IQSEC1: variants seen among roughly 807,000 people sequenced by gnomAD.
The protein encoded by IQSEC1 is IQ motif and SEC7 domain-containing protein 1.
Under a neutral mutation model 91.0 loss-of-function variants are expected in IQSEC1, and 31 were observed. The ratio of observed to expected loss-of-function variants is 0.34; its 90% CI spans 0.26 to 0.46. The LOEUF is 0.46. Ranked by LOEUF, IQSEC1 falls within the 20% of genes least tolerant of loss-of-function variation. The pLI, the probability that IQSEC1 is intolerant of heterozygous loss-of-function variation, is 1.00. For synonymous variants in IQSEC1, 699 were observed against 662.6 expected (o/e 1.05, Z -0.84); for missense variants, 1,388 against 1,575.6 (o/e 0.88, Z 2.02).
At chr3:13,044,216 C>G (rs1271932245) in intron 1 of IQSEC1, among the ~76,000 whole-genome samples, 2 of 152,200 alleles carry the variant, frequency 1.3e-5, no homozygotes, top group Non-Finnish European at 2.9e-5. Context: ...TCTGGGTCAT[C>G]CCCCCACCCC....
intron 1 of IQSEC1, among the ~76,000 whole-genome samples, chr3:13,220,474 C>A: frequency 6.6e-6 from 1 of 152,260 alleles, no homozygotes; most frequent in East Asian, 1.9e-4. Flanking sequence ...CTGTGGCCAT[C>A]ATCTAGACTG....
At chr3:12,952,524 C>T (rs761581799) in intron 1 of IQSEC1, among the ~76,000 whole-genome samples, 4 of 152,210 alleles carry the variant, frequency 2.6e-5, no homozygotes, top group Non-Finnish European at 2.9e-5. Context: ...CACCCCACCC[C>T]GCCCCTCTCC....
At chr3:12,926,526 C>T (rs563141034) in intron 3 of IQSEC1, among the ~76,000 whole-genome samples, 1 of 152,342 alleles carries the variant, frequency 6.6e-6, no homozygotes, top group African/African-American at 2.4e-5. Flanking sequence ...TCCAGGGACA[C>T]GTGCTTCCTC....
In IQSEC1 at chr3:12,967,688, T is replaced by C. The variant is rs905890467; in HGVS notation, c.24-25823A>G. 3 of 1,149,650 alleles carry C rather than the reference T, an allele frequency of 2.6e-6. No individual in the cohort carries two copies. Among genetic ancestry groups the C allele is most frequent in the South Asian group, 4.3e-5 (1 of 23,222 alleles). The allele number at this position is 1,149,650 out of a possible 1,614,324, so 71.2% of individuals were successfully genotyped here. On this transcript the variant is annotated intron_variant, in intron 1 of 13. Coordinates refer to ENST00000613206, the MANE Select transcript of IQSEC1 (RefSeq NM_001134382.3). This position sits in a 1 kb window ranked among gnomAD's most constrained non-coding sequence, Gnocchi z 5.9. ...GCCCGCCCCTCCGCCGCCGCCCGCT[T>C]GGCGCAGCGCGAGGCCGGGCCGGAG...
chr3:13,116,857 T>C (rs1329093519), intron 2 of IQSEC1, among the ~76,000 whole-genome samples: 1 of 151,904 alleles, frequency 6.6e-6, no homozygotes, highest in Non-Finnish European at 1.5e-5. Flanking sequence ...AAGACCTAAG[T>C]GTAAGAGCTA....
At chr3:12,931,674 A>T (rs977003743) in intron 3 of IQSEC1, among the ~76,000 whole-genome samples, 8 of 152,146 alleles carry the variant, frequency 5.3e-5, no homozygotes, top group African/African-American at 1.9e-4. Flanking sequence ...GGGGCGCTGG[A>T]AGGGTGAAAC....
In IQSEC1 at chr3:12,940,488, A is replaced by C. The variant is rs1446692163; in HGVS notation, c.318+1083T>G. Among the ~76,000 whole-genome samples the C allele has an allele frequency of 6.6e-6, 1 of 150,448 alleles. No homozygotes were observed. Among genetic ancestry groups the C allele is most frequent in the Non-Finnish European group, 1.5e-5 (1 of 67,506 alleles). On this transcript the variant is annotated intron_variant, in intron 2 of 13. Transcript: ENST00000613206. The surrounding 1 kb of genome is among the most constrained non-coding windows in gnomAD (Gnocchi z 4.4). ...AGCAGAGGGCGGGCGGGGCCACAGGATGGGTGTGGGTGGGAGTGAAGGCCA... is the reference window on the plus strand; with the variant it reads ...AGCAGAGGGCGGGCGGGGCCACAGGCTGGGTGTGGGTGGGAGTGAAGGCCA...
intron 1 of IQSEC1, among the ~76,000 whole-genome samples, chr3:13,196,791 G>T (rs1215874250): frequency 3.4e-5 from 5 of 144,986 alleles, no homozygotes; most frequent in Admixed American, 7.1e-5. Context: ...TGTGTGTGTG[G>T]TGGGGAGCAG....
rs952189346 is a variant in IQSEC1 at position 13,223,549 on chromosome 3, T to C, written c.272+59162A>G. Among the ~76,000 whole-genome samples the C allele has an allele frequency of 3.3e-5, 5 of 152,122 alleles. 1 individual carries two copies. The highest frequency in any genetic ancestry group is 6.5e-5 in the Admixed American group (1 of 15,298). On this transcript the variant is annotated intron_variant, in intron 1 of 15. Coordinates refer to the IQSEC1 transcript ENST00000648114. ...AGGGAAGCTGGGAATGGGGGACAGGTGGGTAGGTCCCACCCTCCCAGCAGA... is the reference window on the plus strand; with the variant it reads ...AGGGAAGCTGGGAATGGGGGACAGGCGGGTAGGTCCCACCCTCCCAGCAGA...
intron 1 of IQSEC1, among the ~76,000 whole-genome samples, chr3:13,263,784 G>A (rs1007818397): frequency 1.6e-4 from 24 of 151,896 alleles, no homozygotes; most frequent in African/African-American, 5.1e-4. Context: ...CCAGTGCCCC[G>A]TCCCTGCCAG....
intron 2 of IQSEC1, among the ~76,000 whole-genome samples, chr3:13,099,866 G>C (rs7646565): frequency 0.11 from 16,822 of 149,520 alleles, 1,333 homozygotes; most frequent in African/African-American, 0.21. Flanking sequence ...GGCACGGCAT[G>C]TGCAAAGGCC....
chr3:13,164,809 G>A (rs1693452531), intron 1 of IQSEC1, among the ~76,000 whole-genome samples: 2 of 152,194 alleles, frequency 1.3e-5, no homozygotes, highest in South Asian at 2.1e-4. Context: ...CTAAAGCCTC[G>A]CTTGGGCTTC....
At chr3:13,162,218 G>A (rs1315038577) in intron 2 of IQSEC1, among the ~76,000 whole-genome samples, 2 of 152,242 alleles carry the variant, frequency 1.3e-5, no homozygotes, top group Non-Finnish European at 1.5e-5. Flanking sequence ...TTCACAGAAT[G>A]AGGGTTTCAG....
intron 9 of IQSEC1, 32 bp from the exon 10 acceptor site, chr3:12,911,760 A>G (rs1435648719): frequency 6.8e-7 from 1 of 1,471,282 alleles, no homozygotes; most frequent in South Asian, 1.1e-5. Context: ...GCTGAGCTAC[A>G]GTGTCTCGGG....
intron 2 of IQSEC1, among the ~76,000 whole-genome samples, chr3:13,154,438 C>CATATATAT (rs774589168): frequency 0.059 from 1,214 of 20,572 alleles, 171 homozygotes; most frequent in African/African-American, 0.067. Flanking sequence ...AACTTACATG[C>CATATATAT]ATATATATAT....
intron 1 of IQSEC1, among the ~76,000 whole-genome samples, chr3:13,179,451 C>A (rs1162332003): frequency 6.6e-6 from 1 of 152,244 alleles, no homozygotes; most frequent in Non-Finnish European, 1.5e-5. Context: ...AAACTGTCAA[C>A]CCACAAGCCT....
intron 1 of IQSEC1, among the ~76,000 whole-genome samples, chr3:12,955,591 T>A (rs1238311081): frequency 2.0e-5 from 3 of 152,218 alleles, no homozygotes; most frequent in Non-Finnish European, 4.4e-5. Context: ...CCCCACATGC[T>A]GGGGACCAGA....
intron 1 of IQSEC1, among the ~76,000 whole-genome samples, chr3:13,263,439 G>GCA (rs1553581065): frequency 9.3e-6 from 1 of 107,256 alleles, no homozygotes; most frequent in South Asian, 3.1e-4. Context: ...GGGGGGGGGG[G>GCA]AAAGTACCTG....
intron 2 of IQSEC1, among the ~76,000 whole-genome samples, chr3:13,095,273 A>AC (rs1252734800): frequency 6.6e-6 from 1 of 151,010 alleles, no homozygotes. Context: ...TCAATCCCCG[A>AC]CCCCCACCTC....
Sources: allele counts gnomAD v4.1 joint callset (sites outside exome capture counted in the v4.1 genomes callset), GRCh38; gene constraint gnomAD v4.1.1; non-coding constraint Gnocchi (gnomAD v3.1); transcripts MANE v1.5; gene names NCBI Gene and HGNC (gene_info 2026-07-23, HGNC 2026-07-21).